The following MATN4 variants were observed in gnomAD, a reference collection of about 807,000 sequenced individuals.
The protein encoded by MATN4 is matrilin-4.
Under a neutral mutation model 54.6 loss-of-function variants are expected in MATN4, and 40 were observed. That is an observed-to-expected ratio of 0.73 (90% CI 0.57 to 0.95). MATN4 has a LOEUF of 0.95. MATN4 is among the 40% of genes least tolerant of loss of function. The pLI, the probability that MATN4 is intolerant of heterozygous loss-of-function variation, is 0.00. For missense variants in MATN4, 810 were observed against 819.1 expected (o/e 0.99, Z 0.13); for synonymous variants, 351 against 345.3 (o/e 1.02, Z -0.18).
chr20:45,306,832 G>A (rs1986727855), intron 1 of MATN4: 2 of 1,002,772 alleles, frequency 2.0e-6, no homozygotes, highest in African/African-American at 1.7e-5. Flanking sequence ...CGCAAGAGCC[G>A]AGGAGCAGGG....
At chr20:45,297,287 T>G (rs558204177) in intron 8 of MATN4, among the ~76,000 whole-genome samples, 1 of 152,228 alleles carries the variant, frequency 6.6e-6, no homozygotes, top group South Asian at 2.1e-4. Context: ...AAAGTTACCC[T>G]GGAGACATTC....
In MATN4 at chr20:45,304,573, C is replaced by A. The variant is rs1235306946; in HGVS notation, c.298G>T (p.Ala100Ser). The change falls in exon 3 of 10, where the codon GCC becomes TCC. Residue 100 changes from alanine (A) to serine (S), a missense_variant. Physicochemically the swap from Ala to Ser is moderately conservative, Grantham distance 99 (BLOSUM62 1). Transcript: ENST00000372756. ...AFSRREDMER[A>S]IRDLVPLAQG... The stretch of plus-strand genomic sequence containing the variant: ...GCCAGAGGCACCAGGTCGCGGATGG[C>A]GCGCTCCATGTCCTCGCGGCGAGAG... 6.3e-7 allele frequency: 1 copy of A among 1,598,422 alleles called. No homozygotes were observed. Among genetic ancestry groups the A allele is most frequent in the African/African-American group, 1.3e-5 (1 of 74,792 alleles).
intron 6 of MATN4, among the ~76,000 whole-genome samples, chr20:45,299,182 C>T (rs1204352239): frequency 1.3e-5 from 2 of 152,182 alleles, no homozygotes; most frequent in African/African-American, 4.8e-5. Flanking sequence ...TGTCACCTCC[C>T]CTATTCTGAG....
intron 2 of MATN4, among the ~76,000 whole-genome samples, chr20:45,305,116 G>T (rs1986512605): frequency 6.6e-6 from 1 of 152,124 alleles, no homozygotes; most frequent in Non-Finnish European, 1.5e-5. Flanking sequence ...TAGGACGCTG[G>T]AGACCCAAAG....
In MATN4 at chr20:45,298,192, C is replaced by T. The variant is rs774889540; in HGVS notation, c.1404G>A (p.Trp468Ter). The T allele has an allele frequency of 1.6e-5, 25 of 1,600,540 alleles. No homozygotes were observed. The South Asian group carries it at 2.2e-4, about 14-fold the overall frequency. The change falls in exon 7 of 10, where the codon TGG (tryptophan) becomes TGA (stop). Residue 468 changes from tryptophan (W) to a stop codon, truncating the protein, a stop_gained. Coordinates refer to ENST00000372756, the MANE Select transcript of MATN4 (RefSeq NM_001393530.1). LOFTEE classifies it high-confidence loss of function. The surrounding 1 kb of genome is among the most constrained non-coding windows in gnomAD (Gnocchi z 4.6). ...DGRSQDDISVWAARAKEEGIV... is the reference protein window; with the variant it reads ...DGRSQDDISV ...CACCTTCCTCCTTGGCGCGCGCTGC[C>T]CACACCGAGATGTCATCCTGGGAGC...
upstream of MATN4, chr20:45,308,385 G>A: frequency 1.6e-6 from 1 of 629,904 alleles, no homozygotes; most frequent in African/African-American, 1.8e-5. Context: ...CCCACTGGCA[G>A]GGAGGGATCC....
intron 6 of MATN4, among the ~76,000 whole-genome samples, chr20:45,299,934 G>A (rs1986111284): frequency 6.7e-6 from 1 of 148,646 alleles, no homozygotes; most frequent in Non-Finnish European, 1.5e-5. Context: ...TTCACCATGT[G>A]AGGACACAGC....
chr20:45,302,245 G>A (rs1986280823), intron 3 of MATN4, among the ~76,000 whole-genome samples: 1 of 152,142 alleles, frequency 6.6e-6, no homozygotes, highest in South Asian at 2.1e-4. Flanking sequence ...CTTGGAGAGA[G>A]ATTTGAATGT....
In MATN4 at chr20:45,301,665, G is replaced by A. The variant is rs181622552; in HGVS notation, c.644-222C>T. On this transcript the variant is annotated intron_variant, in intron 3 of 9. Coordinates refer to ENST00000372756, the MANE Select transcript of MATN4 (RefSeq NM_001393530.1). ...GCCTCCATTTTTCTATTTGCAAAAT[G>A]GGAATATAATGGAAGACAGTGATTG... 9.9e-5 allele frequency among the ~76,000 whole-genome samples: 15 copies of A among 152,258 alleles called. No homozygotes were observed. The East Asian group carries it at 1.9e-3, about 20-fold the overall frequency.
At chr20:45,294,082 T>C (rs1985660263) in intron 8 of MATN4, 67 bp from the exon 9 acceptor site, 6 of 1,245,202 alleles carry the variant, frequency 4.8e-6, no homozygotes, top group Non-Finnish European at 6.9e-6. Flanking sequence ...CTGATTTCCC[T>C]GCACTGGGCC....
chr20:45,294,562 A>G (rs1467504961), intron 8 of MATN4, among the ~76,000 whole-genome samples: 2 of 152,272 alleles, frequency 1.3e-5, no homozygotes, highest in African/African-American at 4.8e-5. Flanking sequence ...TAACACTTCA[A>G]ATATGACTGG....
At chr20:45,302,364 T>C (rs1381810662) in intron 3 of MATN4, among the ~76,000 whole-genome samples, 1 of 152,224 alleles carries the variant, frequency 6.6e-6, no homozygotes, top group African/African-American at 2.4e-5. Context: ...TTCCAGGTTG[T>C]TGTGAGGCTG....
chr20:45,304,461 C>T lies in MATN4; in HGVS notation c.410G>A (p.Arg137His), dbSNP rs768315826. ...VAEGARPPEE[R>H]VPRVAVIVTD... ...CACGATGACAGCGACACGCGGCACGCGCTCCTCTGGCGGTCGCGCGCCCTC... is the reference window on the plus strand; with the variant it reads ...CACGATGACAGCGACACGCGGCACGTGCTCCTCTGGCGGTCGCGCGCCCTC... The change falls in exon 3 of 10, where the codon CGC (arginine) becomes CAC (histidine). Residue 137 changes from arginine to histidine, a missense_variant. Transcript: ENST00000372756. 1 of 1,563,048 alleles carries T rather than the reference C, an allele frequency of 6.4e-7. No homozygotes were observed. The highest frequency in any genetic ancestry group is 1.1e-5 in the South Asian group (1 of 87,338).
At chr20:45,303,318 T>C (rs1293757600) in intron 3 of MATN4, 1 of 680,598 alleles carries the variant, frequency 1.5e-6, no homozygotes, top group African/African-American at 1.8e-5. Flanking sequence ...CTCATTGGTC[T>C]GATGTTGGGG....
chr20:45,293,632 G>A lies in MATN4; in HGVS notation c.*135C>T. 1 of 771,432 alleles carries A rather than the reference G, an allele frequency of 1.3e-6. No individual in the cohort carries two copies. The highest frequency in any genetic ancestry group is 2.0e-6 in the Non-Finnish European group (1 of 509,662). 47.8% of individuals were successfully genotyped at this position (771,432 alleles called of 1,614,324 possible). A position where few individuals can be genotyped will look rare whatever the true frequency, so the allele number is the denominator to read the frequency against. On this transcript the variant is annotated 3_prime_UTR_variant, in exon 10 of 10. Transcript: ENST00000372756. ...AGGCCAACTCAGCTCAATGCCGGAA[G>A]CCCGCCAGCGCCTCCGCCCCGACAG...
At chr20:45,308,011 A>C in intron 1 of MATN4, 164 bp downstream of exon 1, 1 of 615,238 alleles carries the variant, frequency 1.6e-6, no homozygotes, top group South Asian at 2.1e-5. Flanking sequence ...GATGGCTTTG[A>C]GGGTGGGGGC....
rs1008397797 is a variant in MATN4, at chr20:45,305,560, G to A, written c.23C>T (p.Pro8Leu). 5 of 1,560,606 alleles carry A rather than the reference G, an allele frequency of 3.2e-6. No individual in the cohort carries two copies. Among genetic ancestry groups the A allele is most frequent in the Non-Finnish European group, 8.7e-7 (1 of 1,152,246 alleles). ...GGGCTGAAGAAGGAGCAGCAACACG[G>A]GCCAGCAAAGAAGGCCTCTCATGGC... MRGLLCW[P>L]VLLLLLQPWE... Residue 8 changes from proline to leucine, a missense_variant, in exon 2 of 10, where the codon CCC becomes CTC. By Grantham distance (98) the Pro-to-Leu change is moderately conservative. Coordinates refer to ENST00000372756, the MANE Select transcript of MATN4 (RefSeq NM_001393530.1).
rs368519975 is a variant in MATN4, at chr20:45,294,030, C to T, written c.1580-15G>A. ...GATGCCCTCCTCTGCAAGCCGGACA[C>T]AGAGGGTCAGGGGGATGAGAAATTG... On this transcript the variant is annotated splice_polypyrimidine_tract_variant and intron_variant, in intron 8 of 9. Coordinates refer to ENST00000372756, the MANE Select transcript of MATN4 (RefSeq NM_001393530.1). The T allele has an allele frequency of 1.3e-4, 203 of 1,590,850 alleles. No homozygotes were observed. Among genetic ancestry groups the T allele is most frequent in the Non-Finnish European group, 1.8e-5 (21 of 1,171,534 alleles).
chr20:45,295,734 A>G (rs1985773263), intron 8 of MATN4, among the ~76,000 whole-genome samples: 1 of 152,152 alleles, frequency 6.6e-6, no homozygotes, highest in Non-Finnish European at 1.5e-5. Flanking sequence ...GTGTGACCTA[A>G]TTTTTAGGAA....
Sources: gnomAD v4.1 joint callset for allele counts (sites outside exome capture counted in the v4.1 genomes callset) on GRCh38, gnomAD v4.1.1 for gene constraint, Gnocchi (gnomAD v3.1) non-coding constraint, MANE v1.5 for transcripts, NCBI Gene and HGNC (gene_info 2026-07-23, HGNC 2026-07-21) for gene names.